ARHGEF7: variants seen among roughly 807,000 people sequenced by gnomAD.
ARHGEF7 encodes Rho guanine nucleotide exchange factor 7.
Under a neutral mutation model 109.8 loss-of-function variants are expected in ARHGEF7, and 33 were observed. That is an observed-to-expected ratio of 0.30 (90% CI 0.23 to 0.40). The LOEUF (loss-of-function observed/expected upper bound fraction) is 0.40, where lower values mean the gene tolerates loss of function less well. Ranked by LOEUF, ARHGEF7 falls within the 10% of genes least tolerant of loss-of-function variation. ARHGEF7 has a pLI of 1.00. For synonymous variants in ARHGEF7, 458 were observed against 424.6 expected (o/e 1.08, Z -0.97); for missense variants, 938 against 1,098.5 (o/e 0.85, Z 2.07).
At chr13:111,270,080 C>T (rs903364119) in intron 9 of ARHGEF7, among the ~76,000 whole-genome samples, 6 of 152,212 alleles carry the variant, frequency 3.9e-5, no homozygotes, top group Non-Finnish European at 8.8e-5. Flanking sequence ...GTGAGCCCTG[C>T]GAGCGCAGAA....
rs1041080240 is a variant in ARHGEF7, at chr13:111,153,569, T to G, written c.166-336T>G. On this transcript the variant is annotated intron_variant, in intron 1 of 21. Coordinates refer to ENST00000646102, the MANE Select transcript of ARHGEF7 (RefSeq NM_001354046.2). The stretch of plus-strand genomic sequence containing the variant: ...AGCTCGCCGGCAAAGCAGGGTGGGC[T>G]GCGTCCGCGGGGGCGAACACCCGAC... 15 of 1,041,756 alleles carry G rather than the reference T, an allele frequency of 1.4e-5. No homozygotes were observed. In the Admixed American group the frequency reaches 8.0e-4, roughly 56 times the overall value. 64.5% of individuals were successfully genotyped at this position (1,041,756 alleles called of 1,614,324 possible).
At chr13:111,221,501 ATC>A (rs1159421881) in intron 5 of ARHGEF7, among the ~76,000 whole-genome samples, 12 of 79,398 alleles carry the variant, frequency 1.5e-4, no homozygotes, top group Non-Finnish European at 2.0e-4. Flanking sequence ...ACATATATAT[ATC>A]TATATATATA....
At chr13:111,202,976 A>G in intron 2 of ARHGEF7, 1 of 830,516 alleles carries the variant, frequency 1.2e-6, no homozygotes, top group Non-Finnish European at 1.6e-6. Context: ...ATTGAAGCCC[A>G]TTGGTGGGCA....
chr13:111,280,210 T>A (rs2092706070), intron 13 of ARHGEF7, 62 bp from the exon 14 acceptor site: 1 of 1,486,394 alleles, frequency 6.7e-7, no homozygotes, highest in African/African-American at 1.4e-5. Flanking sequence ...ACTTTAATAA[T>A]GGTACCTTTT....
intron 8 of ARHGEF7, among the ~76,000 whole-genome samples, chr13:111,251,226 A>G (rs78544799): frequency 0.033 from 4,977 of 152,286 alleles, 282 homozygotes; most frequent in African/African-American, 0.11. Context: ...TGTCACTCAG[A>G]AAATTCCAGG....
At chr13:111,227,122 T>C (rs2085314141) in intron 5 of ARHGEF7, among the ~76,000 whole-genome samples, 1 of 152,226 alleles carries the variant, frequency 6.6e-6, no homozygotes, top group African/African-American at 2.4e-5. Context: ...GAGCAAAGAA[T>C]GTGGTTTCTT....
chr13:111,243,823 C>A, intron 6 of ARHGEF7, 49 bp from the exon 7 acceptor site: 2 of 1,249,312 alleles, frequency 1.6e-6, no homozygotes, highest in South Asian at 1.3e-5. Context: ...ATCTTAGTGT[C>A]AAATAGCAAT....
intron 5 of ARHGEF7, among the ~76,000 whole-genome samples, chr13:111,218,128 C>T (rs184528097): frequency 5.3e-5 from 8 of 152,032 alleles, no homozygotes; most frequent in Non-Finnish European, 8.8e-5. Context: ...AGAAACATCT[C>T]GAATCTTTAT....
chr13:111,263,081 T>C (rs2091274655), intron 8 of ARHGEF7, among the ~76,000 whole-genome samples: 1 of 152,214 alleles, frequency 6.6e-6, no homozygotes. Context: ...TATTCTGTAA[T>C]GGTGATTTCT....
chr13:111,129,390 A>G (rs754786249), intron 1 of ARHGEF7, among the ~76,000 whole-genome samples: 6 of 152,164 alleles, frequency 3.9e-5, no homozygotes, highest in Non-Finnish European at 7.4e-5. Context: ...ACTTAATCAA[A>G]ACAAAAAGAA....
At position 111,228,944 on chromosome 13, in the gene ARHGEF7, G is replaced by A. The variant is rs550709111; in HGVS notation, c.671-4261G>A. ...TGAAAGCGTAACCACTGAAACAGAG[G>A]GAAGCGGCTGGGTGGCTTCCAGTCA... On this transcript the variant is annotated intron_variant, in intron 5 of 21. Transcript: ENST00000646102. The surrounding 1 kb of genome is among the most constrained non-coding windows in gnomAD (Gnocchi z 4.6). Among the ~76,000 whole-genome samples, 1 of 152,130 alleles carries A rather than the reference G, an allele frequency of 6.6e-6. No individual in the cohort carries two copies. The highest frequency in any genetic ancestry group is 1.9e-4 in the East Asian group (1 of 5,162).
At chr13:111,289,755 A>T (rs1039838513) in intron 18 of ARHGEF7, among the ~76,000 whole-genome samples, 1 of 151,170 alleles carries the variant, frequency 6.6e-6, no homozygotes, top group Non-Finnish European at 1.5e-5. Context: ...TAGGATGAGC[A>T]GGGTAAATCC....
intron 2 of ARHGEF7, among the ~76,000 whole-genome samples, chr13:111,203,340 G>C (rs2081403605): frequency 6.6e-6 from 1 of 152,204 alleles, no homozygotes; most frequent in African/African-American, 2.4e-5. Context: ...ACCCGTATTT[G>C]TTATAGGTGG....
At position 111,255,160 on chromosome 13, in the gene ARHGEF7, C is replaced by T. The variant is rs867705049; in HGVS notation, c.950+10866C>T. ...TGAAGGCCGGGCCCAGAAGAGGATT[C>T]GGGCTAAGGCGCTGAGTCGCTAACG... is the stretch of plus-strand genomic sequence containing the variant. On this transcript the variant is annotated intron_variant, in intron 8 of 21. Transcript: ENST00000646102. This position sits in a 1 kb window ranked among gnomAD's most constrained non-coding sequence, Gnocchi z 4.1. Among the ~76,000 whole-genome samples the T allele has an allele frequency of 1.2e-4, 17 of 145,260 alleles. No homozygotes were observed. Among genetic ancestry groups the T allele is most frequent in the Admixed American group, 4.1e-4 (6 of 14,500 alleles).
At chr13:111,224,081 A>T (rs1448327835) in intron 5 of ARHGEF7, among the ~76,000 whole-genome samples, 2 of 152,028 alleles carry the variant, frequency 1.3e-5, no homozygotes, top group African/African-American at 4.8e-5. Context: ...GGCCTCGAAC[A>T]CCTGACCTTG....
chr13:111,230,981 G>A (rs553196743), intron 5 of ARHGEF7, among the ~76,000 whole-genome samples: 2 of 152,212 alleles, frequency 1.3e-5, no homozygotes, highest in East Asian at 3.9e-4. Flanking sequence ...ATTAACTGTG[G>A]TGTTGAGTTG....
intron 15 of ARHGEF7, chr13:111,282,911 TG>T: frequency 1.6e-6 from 1 of 640,096 alleles, no homozygotes; most frequent in Non-Finnish European, 2.7e-6. Context: ...CCCTCCTGTC[TG>T]GGGCAGACGC....
At chr13:111,242,684 C>T (rs2088000938) in intron 6 of ARHGEF7, among the ~76,000 whole-genome samples, 1 of 152,256 alleles carries the variant, frequency 6.6e-6, no homozygotes, top group Non-Finnish European at 1.5e-5. Flanking sequence ...GCGTGCTCCT[C>T]AGTCTCATGC....
chr13:111,115,692 G>C lies in ARHGEF7; in HGVS notation c.165+1G>C. ...CCTGCTCCCCGGGACCATCGAGAAA[G>C]TAAGTCCCGGCCCGCGCCCCCGCCC... On this transcript the variant is annotated splice_donor_variant, in intron 1 of 21. Coordinates refer to ENST00000646102, the MANE Select transcript of ARHGEF7 (RefSeq NM_001354046.2). LOFTEE classifies it high-confidence loss of function. The C allele has an allele frequency of 8.1e-7, 1 of 1,228,658 alleles. No homozygotes were observed. The highest frequency in any genetic ancestry group is 1.0e-6 in the Non-Finnish European group (1 of 978,118). The allele number at this position is 1,228,658 out of a possible 1,614,324, so 76.1% of individuals were successfully genotyped here.
Sources: gnomAD v4.1 joint callset for allele counts (sites outside exome capture counted in the v4.1 genomes callset) on GRCh38, gnomAD v4.1.1 for gene constraint, Gnocchi (gnomAD v3.1) non-coding constraint, MANE v1.5 for transcripts, NCBI Gene and HGNC (gene_info 2026-07-23, HGNC 2026-07-21) for gene names.